Variants in RAD23A observed in about 807,000 individuals in gnomAD.
The protein encoded by RAD23A is RAD23 nucleotide excision repair protein A.
A neutral mutation model predicts 44.8 loss-of-function variants in RAD23A; 16 were observed. The ratio of observed to expected loss-of-function variants is 0.36; its 90% confidence interval spans 0.24 to 0.54. The LOEUF is 0.54. RAD23A is among the 20% of genes least tolerant of loss of function. RAD23A has a pLI of 0.89. For synonymous variants in RAD23A, 217 were observed against 202.9 expected (o/e 1.07, Z -0.59); for missense variants, 380 against 483.3 (o/e 0.79, Z 2.00).
In RAD23A at chr19:12,948,870, G is replaced by T; in HGVS notation, c.600+57G>T. 6.4e-7 allele frequency: 1 copy of T among 1,560,196 alleles called. No individual in the cohort carries two copies. The highest frequency in any genetic ancestry group is 8.7e-7 in the Non-Finnish European group (1 of 1,156,026). Reference sequence around the variant, plus strand: ...CTTGAGGGAGTACCCGGGCGTCACTGCCCTGATGGGCGGTTGGGAAGGCAA... The same window carrying T: ...CTTGAGGGAGTACCCGGGCGTCACTTCCCTGATGGGCGGTTGGGAAGGCAA... On this transcript the variant is annotated intron_variant, in intron 5 of 8. Coordinates refer to ENST00000586534, the MANE Select transcript of RAD23A (RefSeq NM_005053.4). This position sits in a 1 kb window ranked among gnomAD's most constrained non-coding sequence, Gnocchi z 5.5.
rs1170883879 is a variant in RAD23A at position 12,953,588 on chromosome 19, G to C, written c.*539G>C. The C allele has an allele frequency of 6.5e-6, 1 of 153,836 alleles. No individual in the cohort carries two copies. Among genetic ancestry groups the C allele is most frequent in the African/African-American group, 2.4e-5 (1 of 41,450 alleles). 9.5% of individuals were successfully genotyped at this position (153,836 alleles called of 1,614,324 possible). A position where few individuals can be genotyped will look rare whatever the true frequency, so the allele number is the denominator to read the frequency against. On this transcript the variant is annotated 3_prime_UTR_variant, in exon 9 of 9. Transcript: ENST00000586534. ...CATTGTCAAGGCCACCCCCACCCCAGAACAGAACCGTGTCTCTGATAAAGG... is the reference window on the plus strand; with the variant it reads ...CATTGTCAAGGCCACCCCCACCCCACAACAGAACCGTGTCTCTGATAAAGG...
At chr19:12,949,549 T>G in intron 7 of RAD23A, 141 bp downstream of exon 7, 2 of 1,173,570 alleles carry the variant, frequency 1.7e-6, no homozygotes, top group Middle Eastern at 2.5e-4. Context: ...CTGTGCTTCC[T>G]GTGACCTGGT....
chr19:12,950,094 G>A (rs935034335), intron 7 of RAD23A, among the ~76,000 whole-genome samples: 4 of 152,104 alleles, frequency 2.6e-5, no homozygotes, highest in Non-Finnish European at 4.4e-5. Flanking sequence ...TATGTAGCCA[G>A]CCCAGGCCTC....
In RAD23A at chr19:12,948,893, C is replaced by A; in HGVS notation, c.600+80C>A. 6.5e-7 allele frequency: 1 copy of A among 1,549,826 alleles called. No individual in the cohort carries two copies. Among genetic ancestry groups the A allele is most frequent in the South Asian group, 1.2e-5 (1 of 82,360 alleles). On this transcript the variant is annotated intron_variant, in intron 5 of 8. Coordinates refer to ENST00000586534, the MANE Select transcript of RAD23A (RefSeq NM_005053.4). This position sits in a 1 kb window ranked among gnomAD's most constrained non-coding sequence, Gnocchi z 5.5. ...CTGCCCTGATGGGCGGTTGGGAAGG[C>A]AAAACCTGCCCTGAAAAGCCTTTGG... is the stretch of plus-strand genomic sequence containing the variant.
Position 12,948,061 on chromosome 19 carries a change from C to A in RAD23A, c.234+52C>A, listed in dbSNP as rs773022821. 1 of 1,608,136 alleles carries A rather than the reference C, an allele frequency of 6.2e-7. No homozygotes were observed. The highest frequency in any genetic ancestry group is 8.5e-7 in the Non-Finnish European group (1 of 1,177,170). On this transcript the variant is annotated intron_variant, in intron 2 of 8. Transcript: ENST00000586534. This position sits in a 1 kb window ranked among gnomAD's most constrained non-coding sequence, Gnocchi z 5.5. ...GTGGGTGGACGAGCTGGGGAGCTGG[C>A]AAAGAGCCTGTGTGCCCAGGAGAGA...
chr19:12,951,606 C>T (rs1325091853), intron 7 of RAD23A, among the ~76,000 whole-genome samples: 2 of 152,082 alleles, frequency 1.3e-5, no homozygotes, highest in Non-Finnish European at 2.9e-5. Flanking sequence ...GCCACCACGC[C>T]CTGCTAATTT....
intron 1 of RAD23A, among the ~76,000 whole-genome samples, chr19:12,947,497 C>T (rs1362911335): frequency 1.3e-5 from 2 of 152,166 alleles, no homozygotes; most frequent in African/African-American, 2.4e-5. Flanking sequence ...GGGGGACTGT[C>T]CCCTTTATTC....
Position 12,953,184 on chromosome 19 carries a change from A to G in RAD23A, c.*135A>G. ...ATCAAAAATCTTAAAAAAACAAGCA[A>G]ACAGTCCAGCTTCCTGTCCTCCTAA... On this transcript the variant is annotated 3_prime_UTR_variant, in exon 9 of 9. Coordinates refer to ENST00000586534, the MANE Select transcript of RAD23A (RefSeq NM_005053.4). The G allele has an allele frequency of 1.5e-6, 1 of 648,000 alleles. No homozygotes were observed. The highest frequency in any genetic ancestry group is 2.5e-6 in the Non-Finnish European group (1 of 405,650). 40.1% of individuals were successfully genotyped at this position (648,000 alleles called of 1,614,324 possible). A position where few individuals can be genotyped will look rare whatever the true frequency, so the allele number is the denominator to read the frequency against.
rs555882027 is a variant in RAD23A at position 12,947,973 on chromosome 19, C to T, written c.198C>T (p.Ile66=). 2.5e-5 allele frequency: 41 copies of T among 1,613,808 alleles called. No individual in the cohort carries two copies. The highest frequency in any genetic ancestry group is 2.1e-4 in the African/African-American group (16 of 74,962). Residue 66 remains isoleucine, a synonymous_variant, in exon 2 of 9, where the codon ATC becomes ATT. Transcript: ENST00000586534. ...SDDVPIRDYR[I]DEKNFVVVMV... Reference sequence around the variant, plus strand: ...ATGTCCCTATCAGGGACTATCGCATCGATGAGAAGAACTTTGTGGTCGTCA... The same window carrying T: ...ATGTCCCTATCAGGGACTATCGCATTGATGAGAAGAACTTTGTGGTCGTCA...
chr19:12,950,314 C>T (rs1971774503), intron 7 of RAD23A, among the ~76,000 whole-genome samples: 1 of 152,210 alleles, frequency 6.6e-6, no homozygotes, highest in Non-Finnish European at 1.5e-5. Context: ...CCCTGCACTC[C>T]AGCTCTCTGG....
intron 7 of RAD23A, among the ~76,000 whole-genome samples, chr19:12,950,122 A>G (rs1334293349): frequency 6.6e-6 from 1 of 151,974 alleles, no homozygotes; most frequent in Non-Finnish European, 1.5e-5. Context: ...GCCACACTCC[A>G]TGGCTGGCTT....
chr19:12,948,657 T>A lies in RAD23A; in HGVS notation c.473-29T>A. On this transcript the variant is annotated intron_variant, in intron 4 of 8. Coordinates refer to ENST00000586534, the MANE Select transcript of RAD23A (RefSeq NM_005053.4). The surrounding 1 kb of genome is among the most constrained non-coding windows in gnomAD (Gnocchi z 5.5). ...GGGAGCTGCCCTTTCCTCTTCCTGG[T>A]GACCTAGGCTTTGCTGCTTCCTCCA... The A allele has an allele frequency of 6.2e-7, 1 of 1,600,156 alleles. No homozygotes were observed. Among genetic ancestry groups the A allele is most frequent in the Non-Finnish European group, 8.5e-7 (1 of 1,174,146 alleles).
At position 12,945,870 on chromosome 19, in the gene RAD23A, C is replaced by T. The variant is rs1971653484; in HGVS notation, c.-79C>T. 6.7e-7 allele frequency: 1 copy of T among 1,496,146 alleles called. No individual in the cohort carries two copies. The highest frequency in any genetic ancestry group is 1.1e-5 in the South Asian group (1 of 87,568). 92.7% of individuals were successfully genotyped at this position (1,496,146 alleles called of 1,614,324 possible). Reference sequence around the variant, plus strand: ...AGTGGTCGGCGCGCGGCGCGGCGCGCCTGGGCGCTAAGATGGCGGCGGCGT... The same window carrying T: ...AGTGGTCGGCGCGCGGCGCGGCGCGTCTGGGCGCTAAGATGGCGGCGGCGT... On this transcript the variant is annotated 5_prime_UTR_variant, in exon 1 of 9. Coordinates refer to ENST00000586534, the MANE Select transcript of RAD23A (RefSeq NM_005053.4).
Position 12,953,305 on chromosome 19 carries a change from G to A in RAD23A, c.*256G>A, listed in dbSNP as rs967550139. On this transcript the variant is annotated 3_prime_UTR_variant, in exon 9 of 9. Coordinates refer to ENST00000586534, the MANE Select transcript of RAD23A (RefSeq NM_005053.4). ...AGAGAAGCTGGCAGGACTGGGAGGC[G>A]ACAGATGGGCCCCTCTTGGCCTCTG... The A allele has an allele frequency of 6.3e-5, 20 of 318,272 alleles. No homozygotes were observed. The highest frequency in any genetic ancestry group is 3.7e-4 in the African/African-American group (17 of 46,278). 19.7% of individuals were successfully genotyped at this position (318,272 alleles called of 1,614,324 possible). A position where few individuals can be genotyped will look rare whatever the true frequency, so the allele number is the denominator to read the frequency against.
Position 12,948,171 on chromosome 19 carries a change from T to C in RAD23A, c.235-6T>C. 6.2e-7 allele frequency: 1 copy of C among 1,613,990 alleles called. No homozygotes were observed. Among genetic ancestry groups the C allele is most frequent in the Non-Finnish European group, 8.5e-7 (1 of 1,179,978 alleles). On this transcript the variant is annotated splice_region_variant and splice_polypyrimidine_tract_variant and intron_variant, in intron 2 of 8. Transcript: ENST00000586534. This position sits in a 1 kb window ranked among gnomAD's most constrained non-coding sequence, Gnocchi z 5.5. ...GATGCCAGCTCCCTTTTTCTTGCTG[T>C]TGCAGACCAAAGCCGGCCAGGGTAC...
Position 12,949,407 on chromosome 19 carries a change from A to G in RAD23A, c.812A>G (p.Gln271Arg). Reference protein sequence around the residue: ...QLGQENPQLLQQISRHQEQFI... With the variant: ...QLGQENPQLLRQISRHQEQFI... ...GGCCAGGAGAACCCTCAGCTTTTAC[A>G]GGTGTGGTCCCAAGGGCAGAGGGAG... Residue 271 changes from glutamine to arginine, a missense_variant and splice_region_variant, in exon 7 of 9, where the codon CAG (glutamine) becomes CGG (arginine). Transcript: ENST00000586534. 1 of 1,612,680 alleles carries G rather than the reference A, an allele frequency of 6.2e-7. No homozygotes were observed. Among genetic ancestry groups the G allele is most frequent in the Non-Finnish European group, 8.5e-7 (1 of 1,178,862 alleles).
chr19:12,949,146 G>T lies in RAD23A; in HGVS notation c.666G>T (p.Pro222=). 3.1e-6 allele frequency: 5 copies of T among 1,614,016 alleles called. No homozygotes were observed. The highest frequency in any genetic ancestry group is 4.2e-6 in the Non-Finnish European group (5 of 1,179,920). ...SVQESQVSEQ[P]ATEAAGENPL... is the part of the protein sequence containing the mutation. The stretch of plus-strand genomic sequence containing the variant: ...AGGAGAGCCAGGTATCGGAGCAGCC[G>T]GCCACGGAAGCAGGTGGGTGTGCAC... Residue 222 remains proline, a synonymous_variant, in exon 6 of 9, where the codon CCG becomes CCT. Coordinates refer to ENST00000586534, the MANE Select transcript of RAD23A (RefSeq NM_005053.4).
intron 1 of RAD23A, among the ~76,000 whole-genome samples, chr19:12,946,887 T>C (rs1971687174): frequency 6.6e-6 from 1 of 152,192 alleles, no homozygotes; most frequent in Admixed American, 6.6e-5. Flanking sequence ...TGCCTACCTG[T>C]CTGTGCCTCC....
intron 1 of RAD23A, 81 bp from the exon 2 acceptor site, chr19:12,947,767 G>T: frequency 6.9e-7 from 1 of 1,440,676 alleles, no homozygotes; most frequent in South Asian, 1.2e-5. Context: ...TGCCATCAGG[G>T]CTGGCAGTTT....
Sources: gnomAD v4.1 joint callset for allele counts (sites outside exome capture counted in the v4.1 genomes callset) on GRCh38, gnomAD v4.1.1 for gene constraint, Gnocchi (gnomAD v3.1) non-coding constraint, MANE v1.5 for transcripts, NCBI Gene and HGNC (gene_info 2026-07-23, HGNC 2026-07-21) for gene names.